The following IL20RA variants were observed in gnomAD, a reference collection of about 807,000 sequenced individuals.
IL20RA encodes interleukin 20 receptor subunit alpha.
A neutral mutation model predicts 36.5 loss-of-function variants in IL20RA; 29 were observed. The ratio of observed to expected loss-of-function variants is 0.79; its 90% confidence interval spans 0.59 to 1.08. IL20RA has a LOEUF of 1.08. IL20RA is among the 50% of genes least tolerant of loss of function. The pLI, the probability that IL20RA is intolerant of heterozygous loss-of-function variation, is 0.00. For missense variants in IL20RA, 652 were observed against 668.4 expected (o/e 0.98, Z 0.27); for synonymous variants, 279 against 267.1 (o/e 1.04, Z -0.43).
intron 1 of IL20RA, among the ~76,000 whole-genome samples, chr6:137,042,076 G>C (rs920666778): frequency 4.6e-5 from 7 of 152,280 alleles, no homozygotes; most frequent in African/African-American, 1.7e-4. Context: ...ATTGGCAGGA[G>C]AGGCCAAAGT....
At position 137,002,142 on chromosome 6, in the gene IL20RA, A is replaced by C; in HGVS notation, c.1078T>G (p.Leu360Val). 6.2e-7 allele frequency: 1 copy of C among 1,613,938 alleles called. No homozygotes were observed. Among genetic ancestry groups the C allele is most frequent in the Non-Finnish European group, 8.5e-7 (1 of 1,179,946 alleles). The change falls in exon 7 of 7, where the codon TTA becomes GTA. Residue 360 changes from leucine (L) to valine (V), a missense_variant. Physicochemically the swap from Leu to Val is conservative, Grantham distance 32. Coordinates refer to ENST00000316649, the MANE Select transcript of IL20RA (RefSeq NM_014432.4). ...TCCATCAAATGCGAAGCATACCCTA[A>C]ATGTTTCACCTCCTCTTCCTCCTGA... The part of the protein sequence containing the change: ...PPQEEEEVKH[L>V]GYASHLMEIF...
At chr6:137,005,925 A>G (rs1168856907) in intron 5 of IL20RA, among the ~76,000 whole-genome samples, 1 of 152,196 alleles carries the variant, frequency 6.6e-6, no homozygotes, top group African/African-American at 2.4e-5. Context: ...CCAACGCCTT[A>G]AAATAAATCA....
intron 1 of IL20RA, among the ~76,000 whole-genome samples, chr6:137,022,479 T>G (rs1215217652): frequency 3.9e-5 from 6 of 152,218 alleles, no homozygotes; most frequent in African/African-American, 1.4e-4. Flanking sequence ...TTTAGCTCTT[T>G]GTCTCCCATA....
chr6:137,009,209 A>G (rs369996217), intron 4 of IL20RA, 108 bp downstream of exon 4: 1 of 965,346 alleles, frequency 1.0e-6, no homozygotes, highest in South Asian at 1.3e-5. Flanking sequence ...TTTGAACATC[A>G]TGACTTCCCA....
chr6:137,008,719 T>G lies in IL20RA; in HGVS notation c.604A>C (p.Thr202Pro). 1.2e-6 allele frequency: 2 copies of G among 1,604,960 alleles called. No individual in the cohort carries two copies. Among genetic ancestry groups the G allele is most frequent in the South Asian group, 2.3e-5 (2 of 88,124 alleles). Reference sequence around the variant, plus strand: ...GGCTCCAGCCAGGTGAGCACCAGCGTGTGGTTGGTCACACACTGGGACCAC... The same window carrying G: ...GGCTCCAGCCAGGTGAGCACCAGCGGGTGGTTGGTCACACACTGGGACCAC... The part of the protein sequence containing the change: ...RTWSQCVTNH[T>P]LVLTWLEPNT... The change falls in exon 5 of 7, where the codon ACG (threonine) becomes CCG (proline). Residue 202 changes from threonine to proline, a missense_variant. Physicochemically the swap from Thr to Pro is conservative, Grantham distance 38 (BLOSUM62 -1). Coordinates refer to ENST00000316649, the MANE Select transcript of IL20RA (RefSeq NM_014432.4).
rs746471118 is a variant in IL20RA, at chr6:137,017,006, A to T, written c.186T>A (p.Leu62=). The change falls in exon 2 of 7, where the codon CTT becomes CTA. Residue 62 remains leucine (L), a synonymous_variant. Transcript: ENST00000316649. Reference sequence around the variant, plus strand: ...CAGTGTAAGTAACTTTAACTCCTTGAAGACCCTCTGGTGGAGTCCATTGTA... The same window carrying T: ...CAGTGTAAGTAACTTTAACTCCTTGTAGACCCTCTGGTGGAGTCCATTGTA... ...NVLQWTPPEG[L]QGVKVTYTVQ... The T allele has an allele frequency of 6.2e-7, 1 of 1,613,772 alleles. No individual in the cohort carries two copies.
At chr6:137,010,753 T>C (rs1422000719) in intron 3 of IL20RA, among the ~76,000 whole-genome samples, 1 of 152,190 alleles carries the variant, frequency 6.6e-6, no homozygotes, top group African/African-American at 2.4e-5. Context: ...ATCAGGACAA[T>C]GTTTAATCAA....
chr6:137,018,627 A>G (rs930834278), intron 1 of IL20RA, among the ~76,000 whole-genome samples: 3 of 151,904 alleles, frequency 2.0e-5, no homozygotes, highest in Admixed American at 6.6e-5. Flanking sequence ...CTTTGGAACC[A>G]TTGGGTAGCA....
At chr6:137,034,901 T>C (rs1296597160) in intron 1 of IL20RA, among the ~76,000 whole-genome samples, 1 of 148,948 alleles carries the variant, frequency 6.7e-6, no homozygotes, top group African/African-American at 2.5e-5. Context: ...GCCGAGATTG[T>C]GCCACTGCAC....
chr6:137,043,205 C>A (rs977744783), intron 1 of IL20RA, among the ~76,000 whole-genome samples: 1 of 152,132 alleles, frequency 6.6e-6, no homozygotes, highest in Non-Finnish European at 1.5e-5. Flanking sequence ...AACTCCTGGG[C>A]ACACGGAGTA....
At chr6:137,018,765 C>A (rs1454873496) in intron 1 of IL20RA, among the ~76,000 whole-genome samples, 1 of 152,120 alleles carries the variant, frequency 6.6e-6, no homozygotes, top group Admixed American at 6.6e-5. Flanking sequence ...CATGAGGAGG[C>A]AGCACATTGA....
Position 137,044,732 on chromosome 6 carries a change from C to A in IL20RA, c.-4G>T. On this transcript the variant is annotated 5_prime_UTR_variant, in exon 1 of 7. Coordinates refer to ENST00000316649, the MANE Select transcript of IL20RA (RefSeq NM_014432.4). ...CCGGGCGGCCGGGAGCCCGCATGGG[C>A]GGCGGGGCTGGGTCACATGTCGGGG... The A allele has an allele frequency of 8.2e-7, 1 of 1,216,992 alleles. No homozygotes were observed. Among genetic ancestry groups the A allele is most frequent in the South Asian group, 4.1e-5 (1 of 24,292 alleles). 75.4% of individuals were successfully genotyped at this position (1,216,992 alleles called of 1,614,324 possible). A position where few individuals can be genotyped will look rare whatever the true frequency, so the allele number is the denominator to read the frequency against.
chr6:137,044,413 T>G, intron 1 of IL20RA: 1 of 960,634 alleles, frequency 1.0e-6, no homozygotes, highest in Non-Finnish European at 1.3e-6. Context: ...CGCGGAGTCC[T>G]GCAAACTTGA....
chr6:137,031,566 T>C lies in IL20RA; in HGVS notation c.88+13075A>G, dbSNP rs559477625. On this transcript the variant is annotated intron_variant, in intron 1 of 6. Coordinates refer to ENST00000316649, the MANE Select transcript of IL20RA (RefSeq NM_014432.4). ...GGTAAATTGGCTATGCCATATATCC[T>C]AGGTGTGTAGTGGTAGGCTATTTCA... Among the ~76,000 whole-genome samples the C allele has an allele frequency of 2.0e-5, 3 of 152,350 alleles. No individual in the cohort carries two copies. The East Asian group carries it at 5.8e-4, about 29-fold the overall frequency.
intron 1 of IL20RA, among the ~76,000 whole-genome samples, chr6:137,037,748 A>G (rs1776538674): frequency 6.6e-6 from 1 of 152,192 alleles, no homozygotes; most frequent in African/African-American, 2.4e-5. Context: ...GGGAGAGAGA[A>G]GGCACCTAGC....
At chr6:137,011,879 G>A (rs183876777) in intron 2 of IL20RA, among the ~76,000 whole-genome samples, 5 of 152,242 alleles carry the variant, frequency 3.3e-5, no homozygotes, top group Admixed American at 2.6e-4. Context: ...TTACTTTGAC[G>A]TTCTCATAGC....
In IL20RA at chr6:137,011,317, ACACTTTGTTCCC is replaced by A. The variant is rs1775487049; in HGVS notation, c.348_359del (p.Trp116_Lys119del). 2 of 1,613,308 alleles carry A rather than the reference ACACTTTGTTCCC, an allele frequency of 1.2e-6. No individual in the cohort carries two copies. The highest frequency in any genetic ancestry group is 4.5e-5 in the East Asian group (2 of 44,882). ...ACCGTCCACTTTCAGCCCATTTGGA[ACACTTTGTTCCC>A]CAAATGGCCTTAACTTTGGCATAAT... On this transcript the variant is annotated inframe_deletion, in exon 3 of 7. Transcript: ENST00000316649.
At chr6:137,008,863 A>AT in intron 4 of IL20RA, 120 bp from the exon 5 acceptor site, 1 of 296,430 alleles carries the variant, frequency 3.4e-6, no homozygotes, top group Non-Finnish European at 5.6e-6. Context: ...TATCAGTATA[A>AT]GCTTTTTTTT....
rs773792565 is a variant in IL20RA at position 137,017,020 on chromosome 6, G to C, written c.172C>G (p.Pro58Ala). The C allele has an allele frequency of 6.2e-6, 10 of 1,612,918 alleles. No homozygotes were observed. The highest frequency in any genetic ancestry group is 8.5e-6 in the Non-Finnish European group (10 of 1,178,980). ...TTAACTCCTTGAAGACCCTCTGGTGGAGTCCATTGTAGGACATTCTTCATG... is the reference window on the plus strand; with the variant it reads ...TTAACTCCTTGAAGACCCTCTGGTGCAGTCCATTGTAGGACATTCTTCATG... ...INMKNVLQWTPPEGLQGVKVT... is the reference protein window; with the variant it reads ...INMKNVLQWTAPEGLQGVKVT... The change falls in exon 2 of 7, where the codon CCA becomes GCA. Residue 58 changes from proline to alanine, a missense_variant. Pro to Ala is a conservative substitution (Grantham distance 27). Transcript: ENST00000316649.
Sources: allele counts gnomAD v4.1 joint callset (sites outside exome capture counted in the v4.1 genomes callset), GRCh38; gene constraint gnomAD v4.1.1; transcripts MANE v1.5; gene names NCBI Gene and HGNC (gene_info 2026-07-23, HGNC 2026-07-21).